Variants in SOX5 observed in about 807,000 individuals in gnomAD.
The protein encoded by SOX5 is SRY-box transcription factor 5.
SOX5 carries 9 observed loss-of-function variants against 92.0 expected under a neutral mutation model. The observed-to-expected ratio is 0.10, with a 90% confidence interval of 0.06 to 0.17. SOX5 has a LOEUF of 0.17. Among genes scored for constraint, SOX5 ranks in the 10% least tolerant of loss-of-function variants. The pLI is 1.00. For synonymous variants in SOX5, 344 were observed against 336.3 expected, an observed-to-expected ratio of 1.02 and a Z score of -0.25; for missense variants, 642 against 944.5, an observed-to-expected ratio of 0.68 and a Z score of 4.20.
intron 4 of SOX5, among the ~76,000 whole-genome samples, chr12:24,021,446 C>T (rs1170897647): frequency 2.0e-5 from 3 of 152,168 alleles, no homozygotes; most frequent in Admixed American, 6.6e-5. Flanking sequence ...TGACGACTTA[C>T]ATACACCACA....
At chr12:23,948,960 T>G (rs1945076997) in intron 1 of SOX5, among the ~76,000 whole-genome samples, 1 of 152,234 alleles carries the variant, frequency 6.6e-6, no homozygotes, top group East Asian at 1.9e-4. Flanking sequence ...GCTCCATTTA[T>G]CCCCTTTTCG....
intron 1 of SOX5, among the ~76,000 whole-genome samples, chr12:24,449,901 T>C (rs1391847358): frequency 6.6e-6 from 1 of 152,192 alleles, no homozygotes; most frequent in Non-Finnish European, 1.5e-5. Flanking sequence ...AATCCTCTCC[T>C]GAAGTGTTCC....
chr12:23,820,488 A>T (rs2142729219), intron 3 of SOX5, among the ~76,000 whole-genome samples: 1 of 152,308 alleles, frequency 6.6e-6, no homozygotes, highest in Admixed American at 6.5e-5. Flanking sequence ...TCAGTCATGA[A>T]ATCTTTGCCC....
chr12:24,079,514 T>A (rs538184388), intron 4 of SOX5, among the ~76,000 whole-genome samples: 2 of 152,180 alleles, frequency 1.3e-5, no homozygotes, highest in African/African-American at 2.4e-5. Flanking sequence ...TTTATTTATT[T>A]TTATTAAATG....
At chr12:24,505,317 A>G (rs1334179882) in intron 1 of SOX5, among the ~76,000 whole-genome samples, 1 of 152,236 alleles carries the variant, frequency 6.6e-6, no homozygotes, top group African/African-American at 2.4e-5. Flanking sequence ...CACAGAAACA[A>G]AAGGGAAAGT....
chr12:23,584,218 A>G (rs924311789), intron 9 of SOX5, among the ~76,000 whole-genome samples: 6 of 152,030 alleles, frequency 3.9e-5, no homozygotes, highest in African/African-American at 1.5e-4. Flanking sequence ...TACCACATGA[A>G]GGCACGGATA....
chr12:23,605,592 G>GA (rs1221882446), intron 8 of SOX5, among the ~76,000 whole-genome samples: 11 of 151,534 alleles, frequency 7.3e-5, no homozygotes, highest in African/African-American at 1.9e-4. Flanking sequence ...AATGAAGCAA[G>GA]AAAAAATGCT....
At chr12:23,641,674 G>A (rs1490965586) in intron 7 of SOX5, among the ~76,000 whole-genome samples, 1 of 152,006 alleles carries the variant, frequency 6.6e-6, no homozygotes, top group Non-Finnish European at 1.5e-5. Context: ...AAATCAAGGG[G>A]GTTCTTAATT....
chr12:24,367,202 C>T (rs912945415), intron 2 of SOX5, among the ~76,000 whole-genome samples: 1 of 152,114 alleles, frequency 6.6e-6, no homozygotes, highest in Non-Finnish European at 1.5e-5. Flanking sequence ...TTCCTATGAG[C>T]TGGCTCTATA....
chr12:24,447,625 CATA>C (rs1391891434), intron 1 of SOX5, among the ~76,000 whole-genome samples: 2 of 152,122 alleles, frequency 1.3e-5, no homozygotes, highest in East Asian at 3.8e-4. Context: ...ACTATAACAA[CATA>C]ATATGTTAAC....
intron 4 of SOX5, among the ~76,000 whole-genome samples, chr12:24,112,050 A>C (rs1290625587): frequency 6.6e-6 from 1 of 152,214 alleles, no homozygotes; most frequent in Non-Finnish European, 1.5e-5. Flanking sequence ...CAAATAAAGA[A>C]CAAGGAACCA....
intron 2 of SOX5, among the ~76,000 whole-genome samples, chr12:23,858,066 T>C (rs1009972336): frequency 4.0e-4 from 37 of 91,504 alleles, no homozygotes; most frequent in African/African-American, 1.1e-3. Context: ...TTAATATGCC[T>C]GTATGTGTGT....
chr12:24,506,139 T>C lies in SOX5; in HGVS notation c.-251+56190A>G, dbSNP rs551212081. ...AGTAGCATCTTTTTGTAATCTTTTT[T>C]ATCACTTCACAACAAAACATCAAAA... On this transcript the variant is annotated intron_variant, in intron 1 of 4. Coordinates refer to the SOX5 transcript ENST00000446891. Among the ~76,000 whole-genome samples, 4 of 152,288 alleles carry C rather than the reference T, an allele frequency of 2.6e-5. No individual in the cohort carries two copies. The East Asian group carries it at 7.7e-4, about 29-fold the overall frequency.
At chr12:23,910,874 G>C (rs1369904078) in intron 1 of SOX5, among the ~76,000 whole-genome samples, 1 of 152,056 alleles carries the variant, frequency 6.6e-6, no homozygotes, top group African/African-American at 2.4e-5. Flanking sequence ...AGTCTCCTCA[G>C]AGTAAACTAT....
Position 24,445,574 on chromosome 12 carries a change from C to A in SOX5, c.-250-76935G>T, listed in dbSNP as rs990985986. On this transcript the variant is annotated intron_variant, in intron 1 of 4. Coordinates refer to the SOX5 transcript ENST00000446891. ...ATTATATCTTAGCTTGGTTAGGATA[C>A]TGACATAGCACTGATTTTGTTGTGA... is the stretch of plus-strand genomic sequence containing the variant. Among the ~76,000 whole-genome samples the A allele has an allele frequency of 2.0e-5, 3 of 152,312 alleles. No individual in the cohort carries two copies. In the East Asian group the frequency reaches 5.8e-4, roughly 29 times the overall value.
chr12:24,158,430 T>C (rs1319337794), intron 4 of SOX5, among the ~76,000 whole-genome samples: 2 of 152,070 alleles, frequency 1.3e-5, no homozygotes, highest in Non-Finnish European at 2.9e-5. Context: ...CCAGAATGAA[T>C]ACATATTTGA....
chr12:23,784,357 C>T (rs1212622743), intron 3 of SOX5, among the ~76,000 whole-genome samples: 1 of 151,986 alleles, frequency 6.6e-6, no homozygotes, highest in Non-Finnish European at 1.5e-5. Context: ...GACAGAGTCT[C>T]ACTCTGTCAC....
At chr12:24,126,711 A>G (rs1318703969) in intron 4 of SOX5, among the ~76,000 whole-genome samples, 1 of 152,104 alleles carries the variant, frequency 6.6e-6, no homozygotes, top group African/African-American at 2.4e-5. Flanking sequence ...AATCCTGCAA[A>G]TGTTTACGGG....
At chr12:24,146,014 A>G (rs1024976108) in intron 4 of SOX5, among the ~76,000 whole-genome samples, 17 of 152,236 alleles carry the variant, frequency 1.1e-4, no homozygotes, top group Admixed American at 1.0e-3. Context: ...AACCACAAGA[A>G]GAAAAATAGA....
Sources: gnomAD v4.1 joint callset for allele counts (sites outside exome capture counted in the v4.1 genomes callset) on GRCh38, gnomAD v4.1.1 for gene constraint, MANE v1.5 for transcripts, NCBI Gene and HGNC (gene_info 2026-07-23, HGNC 2026-07-21) for gene names.